The following PI4KB variants were observed in gnomAD, a reference collection of about 807,000 sequenced individuals.
PI4KB encodes the protein phosphatidylinositol 4-kinase beta.
A neutral mutation model predicts 81.4 loss-of-function variants in PI4KB; 23 were observed. That is an observed-to-expected ratio of 0.28 (90% CI 0.20 to 0.40). PI4KB has a LOEUF of 0.40. Ranked by LOEUF, PI4KB falls within the 10% of genes least tolerant of loss-of-function variation. The pLI is 1.00. For synonymous variants in PI4KB, 381 were observed against 406.8 expected (o/e 0.94, Z 0.76); for missense variants, 651 against 1,036.6 (o/e 0.63, Z 5.11).
intron 5 of PI4KB, 107 bp downstream of exon 5, chr1:151,306,029 A>T (rs2031797): frequency 3.7e-6 from 3 of 809,482 alleles, no homozygotes; most frequent in East Asian, 2.6e-5. Flanking sequence ...ACTCATTAGG[A>T]TACTTGCCTT....
intron 2 of PI4KB, among the ~76,000 whole-genome samples, chr1:151,312,881 G>A (rs1205650395): frequency 6.6e-6 from 1 of 152,122 alleles, no homozygotes; most frequent in Non-Finnish European, 1.5e-5. Flanking sequence ...AGCCAGGTGT[G>A]GTGGTACATA....
intron 8 of PI4KB, among the ~76,000 whole-genome samples, chr1:151,300,466 C>T (rs1436335086): frequency 6.6e-6 from 1 of 152,038 alleles, no homozygotes; most frequent in Admixed American, 6.6e-5. Context: ...ATTAGCCGGG[C>T]GTGGTGGCGC....
chr1:151,292,679 C>T lies in PI4KB; in HGVS notation c.*173G>A. The T allele has an allele frequency of 1.6e-6, 1 of 642,394 alleles. No homozygotes were observed. Among genetic ancestry groups the T allele is most frequent in the Non-Finnish European group, 2.6e-6 (1 of 377,734 alleles). 39.8% of individuals were successfully genotyped at this position (642,394 alleles called of 1,614,324 possible). A position where few individuals can be genotyped will look rare whatever the true frequency, so the allele number is the denominator to read the frequency against. On this transcript the variant is annotated 3_prime_UTR_variant, in exon 12 of 12. Transcript: ENST00000368873. ...AGTCTGGACCCCACAGCTGGCTCTC[C>T]CACCCCTCAGCAAGCTCTCGCAGTT...
intron 3 of PI4KB, among the ~76,000 whole-genome samples, chr1:151,308,929 A>C (rs1695998610): frequency 3.3e-5 from 5 of 152,158 alleles, no homozygotes; most frequent in Admixed American, 2.6e-4. Context: ...CTTCTTTTGA[A>C]AACTGGGGAG....
chr1:151,317,481 T>C (rs1202272372), intron 1 of PI4KB, among the ~76,000 whole-genome samples: 1 of 152,046 alleles, frequency 6.6e-6, no homozygotes, highest in Non-Finnish European at 1.5e-5. Context: ...CATGCCTGGT[T>C]AATTTTTTAA....
Position 151,300,103 on chromosome 1 carries a change from C to A in PI4KB, c.1750-1030G>T, listed in dbSNP as rs955459214. Among the ~76,000 whole-genome samples the A allele has an allele frequency of 2.6e-5, 4 of 152,210 alleles. No individual in the cohort carries two copies. The South Asian group carries it at 8.3e-4, about 31-fold the overall frequency. Reference sequence around the variant, plus strand: ...CCCCATGTTTACAATGATTGTGCCACAGATTTAAACTTCAGTAGTGCATTA... The same window carrying A: ...CCCCATGTTTACAATGATTGTGCCAAAGATTTAAACTTCAGTAGTGCATTA... On this transcript the variant is annotated intron_variant, in intron 8 of 11. Coordinates refer to ENST00000368873, the MANE Select transcript of PI4KB (RefSeq NM_001369623.2).
chr1:151,298,576 C>A, intron 9 of PI4KB: 1 of 567,146 alleles, frequency 1.8e-6, no homozygotes, highest in Non-Finnish European at 3.1e-6. Flanking sequence ...CCTGCTCACT[C>A]AAACCCTTAG....
At chr1:151,297,607 G>T (rs1350078171) in intron 9 of PI4KB, among the ~76,000 whole-genome samples, 2 of 149,020 alleles carry the variant, frequency 1.3e-5, no homozygotes, top group East Asian at 2.0e-4. Context: ...GTGCCATCTT[G>T]GCCCACTGCA....
chr1:151,316,817 G>T (rs1571208853), intron 1 of PI4KB, among the ~76,000 whole-genome samples: 2 of 115,074 alleles, frequency 1.7e-5, no homozygotes, highest in South Asian at 5.1e-4. Context: ...AATTCTTTTT[G>T]TTGTTGTTGT....
chr1:151,304,884 C>T (rs1046077434), intron 5 of PI4KB, among the ~76,000 whole-genome samples: 3 of 150,636 alleles, frequency 2.0e-5, no homozygotes, highest in Non-Finnish European at 4.4e-5. Flanking sequence ...GGCTGAAGTG[C>T]AGTGGCGTGA....
At chr1:151,299,768 A>G (rs587637103) in intron 8 of PI4KB, among the ~76,000 whole-genome samples, 2 of 152,324 alleles carry the variant, frequency 1.3e-5, no homozygotes, top group South Asian at 4.1e-4. Context: ...TATGGTATAA[A>G]GAACAGTATT....
At position 151,327,363 on chromosome 1, in the gene PI4KB, T is replaced by C; in HGVS notation, c.-121A>G. Reference sequence around the variant, plus strand: ...AGCAGCGACCGCTCCCGGGTTCCATTGGCCGCCTGCGCTTCCCTGACAGCG... The same window carrying C: ...AGCAGCGACCGCTCCCGGGTTCCATCGGCCGCCTGCGCTTCCCTGACAGCG... On this transcript the variant is annotated 5_prime_UTR_variant, in exon 1 of 12. Coordinates refer to ENST00000368873, the MANE Select transcript of PI4KB (RefSeq NM_001369623.2). 1 of 396,900 alleles carries C rather than the reference T, an allele frequency of 2.5e-6. No individual in the cohort carries two copies. Among genetic ancestry groups the C allele is most frequent in the Non-Finnish European group, 4.4e-6 (1 of 225,660 alleles). The allele number at this position is 396,900 out of a possible 1,614,324, so 24.6% of individuals were successfully genotyped here. A position where few individuals can be genotyped will look rare whatever the true frequency, so the allele number is the denominator to read the frequency against.
chr1:151,314,882 G>A (rs1352528314), intron 2 of PI4KB, among the ~76,000 whole-genome samples: 1 of 152,168 alleles, frequency 6.6e-6, no homozygotes. Flanking sequence ...TGCTCTGAGA[G>A]GCTCTGGTAG....
intron 1 of PI4KB, among the ~76,000 whole-genome samples, chr1:151,321,446 G>A (rs191065799): frequency 1.3e-4 from 20 of 152,042 alleles, no homozygotes; most frequent in Admixed American, 7.2e-4. Flanking sequence ...GTGCAGTGGC[G>A]CAATGTTGGC....
At chr1:151,310,185 C>G (rs745307069) in intron 3 of PI4KB, 26 bp downstream of exon 3, 3 of 1,583,692 alleles carry the variant, frequency 1.9e-6, no homozygotes, top group Admixed American at 1.7e-5. Flanking sequence ...GAGCCTGCCA[C>G]CCCGTCCCAG....
rs112814461 is a variant in PI4KB, at chr1:151,307,011, G to A, written c.1182+563C>T. On this transcript the variant is annotated intron_variant, in intron 4 of 11. Coordinates refer to ENST00000368873, the MANE Select transcript of PI4KB (RefSeq NM_001369623.2). The stretch of plus-strand genomic sequence containing the variant: ...AATCGCTTGAACCTGGGTTGCGGAG[G>A]TTGCAGTAAGCCAAGATTGTGCCAC... Among the ~76,000 whole-genome samples the A allele has an allele frequency of 6.3e-3, 963 of 152,232 alleles. 6 individuals are homozygous for A. The highest frequency in any genetic ancestry group is 0.012 in the Admixed American group (176 of 15,296).
chr1:151,301,698 T>C (rs774201430), intron 8 of PI4KB, 146 bp downstream of exon 8: 16 of 678,528 alleles, frequency 2.4e-5, no homozygotes, highest in Non-Finnish European at 3.8e-5. Flanking sequence ...CACCCGGCCA[T>C]AATTTTTGTA....
chr1:151,294,840 C>T (rs1321324558), intron 9 of PI4KB, among the ~76,000 whole-genome samples: 1 of 152,230 alleles, frequency 6.6e-6, no homozygotes, highest in African/African-American at 2.4e-5. Context: ...GGCACCCAAA[C>T]TATCCCAATC....
rs1208205549 is a variant in PI4KB at position 151,294,012 on chromosome 1, C to G, written c.2269+6G>C. 1.9e-6 allele frequency: 3 copies of G among 1,613,902 alleles called. No individual in the cohort carries two copies. The African/African-American group carries it at 4.0e-5, about 22-fold the overall frequency. ...ACTATAGCACCTGACCTCACCCCAGCCCCACCTTGCTGCATGATCTCCACG... is the reference window on the plus strand; with the variant it reads ...ACTATAGCACCTGACCTCACCCCAGGCCCACCTTGCTGCATGATCTCCACG... On this transcript the variant is annotated splice_donor_region_variant and intron_variant, in intron 11 of 11. Coordinates refer to ENST00000368873, the MANE Select transcript of PI4KB (RefSeq NM_001369623.2).
Sources: gnomAD v4.1 joint callset for allele counts (sites outside exome capture counted in the v4.1 genomes callset) on GRCh38, gnomAD v4.1.1 for gene constraint, MANE v1.5 for transcripts, NCBI Gene and HGNC (gene_info 2026-07-23, HGNC 2026-07-21) for gene names.